Variants in PCLO observed in about 807,000 individuals in gnomAD.
PCLO encodes protein piccolo.
PCLO carries 82 observed loss-of-function variants against 427.5 expected under a neutral mutation model. The observed-to-expected ratio is 0.19, with a 90% CI of 0.16 to 0.23. The LOEUF (loss-of-function observed/expected upper bound fraction) is 0.23. PCLO is among the 10% of genes least tolerant of loss of function. PCLO has a pLI of 1.00. For synonymous variants in PCLO, 2,357 were observed against 2,155.4 expected (o/e 1.09, Z -2.59); for missense variants, 6,239 against 6,115.9 (o/e 1.02, Z -0.67).
intron 6 of PCLO, among the ~76,000 whole-genome samples, chr7:82,946,854 T>A (rs62458567): frequency 0.13 from 19,308 of 152,120 alleles, 1,924 homozygotes; most frequent in African/African-American, 0.27. Context: ...TTAGGAGCTG[T>A]TTAGAGAACT....
At chr7:82,768,492 T>A (rs1282293757) in intron 22 of PCLO, among the ~76,000 whole-genome samples, 1 of 152,060 alleles carries the variant, frequency 6.6e-6, no homozygotes, top group Non-Finnish European at 1.5e-5. Flanking sequence ...TCTCTTAAAC[T>A]TCGTGAAAAT....
chr7:83,021,962 T>G (rs1478640744), intron 3 of PCLO, among the ~76,000 whole-genome samples: 4 of 152,222 alleles, frequency 2.6e-5, no homozygotes, highest in Admixed American at 1.3e-4. Context: ...ATAAACAAAT[T>G]TAAAAATATT....
At chr7:82,764,579 T>C (rs953827733) in intron 22 of PCLO, among the ~76,000 whole-genome samples, 1 of 151,818 alleles carries the variant, frequency 6.6e-6, no homozygotes, top group Non-Finnish European at 1.5e-5. Flanking sequence ...TTATTCCAAA[T>C]AGTAAAAAAT....
At chr7:82,879,168 T>C (rs747183388) in intron 10 of PCLO, among the ~76,000 whole-genome samples, 169 bp downstream of exon 10, 5 of 152,172 alleles carry the variant, frequency 3.3e-5, no homozygotes, top group Admixed American at 1.3e-4. Context: ...AAAATGAATA[T>C]ATTTGTGGAC....
Position 83,134,978 on chromosome 7 carries a change from C to T in PCLO, c.2572G>A (p.Ala858Thr). The T allele has an allele frequency of 1.9e-6, 3 of 1,612,840 alleles. No individual in the cohort carries two copies. The highest frequency in any genetic ancestry group is 1.1e-5 in the South Asian group (1 of 90,950). ...PVQKKEEPKK[A>T]QTKMSPKPDA... Reference sequence around the variant, plus strand: ...GGTTTAGGACTCATTTTGGTTTGTGCTTTCTTGGGTTCTTCCTTCTTTTGT... The same window carrying T: ...GGTTTAGGACTCATTTTGGTTTGTGTTTTCTTGGGTTCTTCCTTCTTTTGT... Residue 858 changes from alanine to threonine, a missense_variant, in exon 3 of 25, where the codon GCA becomes ACA. Around this residue, in one of 5 missense-constraint regions of PCLO, gnomAD observed 4,677 missense variants for 4,468.4 expected, o/e 1.05. Coordinates refer to ENST00000333891, the MANE Select transcript of PCLO (RefSeq NM_033026.6).
intron 9 of PCLO, chr7:82,879,709 A>G: frequency 2.3e-6 from 1 of 438,060 alleles, no homozygotes. Flanking sequence ...TAATTCAGCC[A>G]TATTCAGTAA....
rs185692502 is a variant in PCLO, at chr7:83,128,654, C to T, written c.3300+5596G>A. On this transcript the variant is annotated intron_variant, in intron 3 of 24. Coordinates refer to ENST00000333891, the MANE Select transcript of PCLO (RefSeq NM_033026.6). The stretch of plus-strand genomic sequence containing the variant: ...GATAGAAGCAAAGACTTCACCACCA[C>T]GACCAATGAAACACTGAGATAGTTA... Among the ~76,000 whole-genome samples the T allele has an allele frequency of 5.3e-4, 81 of 152,226 alleles. 2 individuals are homozygous for T. Among genetic ancestry groups the T allele is most frequent in the Admixed American group, 3.7e-3 (56 of 15,284 alleles).
intron 9 of PCLO, 37 bp downstream of exon 9, chr7:82,902,614 A>C (rs747883874): frequency 2.3e-5 from 29 of 1,266,202 alleles, no homozygotes; most frequent in African/African-American, 7.6e-5. Context: ...CAAAACAAAA[A>C]AACAAAAAAA....
chr7:82,988,796 AG>A (rs1484128461), intron 3 of PCLO, among the ~76,000 whole-genome samples: 1 of 151,524 alleles, frequency 6.6e-6, no homozygotes, highest in Non-Finnish European at 1.5e-5. Flanking sequence ...TTACTTCTCA[AG>A]GAGCAGAATT....
intron 22 of PCLO, among the ~76,000 whole-genome samples, chr7:82,775,500 T>C (rs1790730891): frequency 6.6e-6 from 1 of 152,206 alleles, no homozygotes; most frequent in Non-Finnish European, 1.5e-5. Context: ...ATATAGAACA[T>C]CTTTTCATAT....
chr7:83,013,896 C>T (rs1788145903), intron 3 of PCLO, among the ~76,000 whole-genome samples: 1 of 152,070 alleles, frequency 6.6e-6, no homozygotes, highest in Admixed American at 6.6e-5. Context: ...TGTTATTAAA[C>T]AAAACTTAGC....
chr7:83,000,268 TGAGAGA>T (rs145445022), intron 3 of PCLO, among the ~76,000 whole-genome samples: 8,129 of 53,838 alleles, frequency 0.15, 295 homozygotes, highest in Non-Finnish European at 0.18. Flanking sequence ...TTCAAAGTGT[TGAGAGA>T]GAGAGAGAGA....
intron 9 of PCLO, among the ~76,000 whole-genome samples, chr7:82,892,348 T>C (rs1267818333): frequency 2.6e-5 from 4 of 152,110 alleles, no homozygotes; most frequent in Non-Finnish European, 5.9e-5. Flanking sequence ...ATTTAATAAA[T>C]AGTGCTGGGA....
chr7:83,037,987 G>GC (rs1475109720), intron 3 of PCLO, among the ~76,000 whole-genome samples: 1 of 25,208 alleles, frequency 4.0e-5, no homozygotes, highest in Non-Finnish European at 8.1e-5. Context: ...GTAAGGAGGA[G>GC]CTTATATATA....
intron 2 of PCLO, among the ~76,000 whole-genome samples, chr7:83,141,613 T>C (rs900015413): frequency 2.6e-5 from 4 of 152,238 alleles, no homozygotes; most frequent in Admixed American, 2.0e-4. Context: ...TGCATATAAT[T>C]CCAACACTGC....
At chr7:83,059,780 G>T (rs1207277700) in intron 3 of PCLO, among the ~76,000 whole-genome samples, 2 of 151,998 alleles carry the variant, frequency 1.3e-5, no homozygotes, top group Non-Finnish European at 1.5e-5. Context: ...AGCAACCAAG[G>T]TTTCCCAATT....
At chr7:82,858,112 T>A (rs1170552786) in intron 10 of PCLO, among the ~76,000 whole-genome samples, 1 of 152,090 alleles carries the variant, frequency 6.6e-6, no homozygotes, top group Non-Finnish European at 1.5e-5. Context: ...ATTAAAATGA[T>A]CATCCACCAT....
At chr7:82,808,241 A>C (rs543402001) in intron 20 of PCLO, among the ~76,000 whole-genome samples, 1 of 151,970 alleles carries the variant, frequency 6.6e-6, no homozygotes, top group African/African-American at 2.4e-5. Context: ...ATTATTAGAC[A>C]CTAATATTCA....
chr7:82,915,023 A>G lies in PCLO; in HGVS notation c.12963T>C (p.Ala4321=). 1.9e-6 allele frequency: 3 copies of G among 1,613,628 alleles called. No individual in the cohort carries two copies. The highest frequency in any genetic ancestry group is 2.5e-6 in the Non-Finnish European group (3 of 1,179,720). ...GACTAAAGGAAACATCTAGAGCTTC[A>G]GCCTCTTGAGCTTTCAGTCTTAGGG... is the stretch of plus-strand genomic sequence containing the variant. ...SSSLRLKAQE[A]EALDVSFSHA... is the part of the protein sequence containing the mutation. Residue 4321 remains alanine (A), a synonymous_variant, in exon 7 of 25, where the codon GCT becomes GCC. Transcript: ENST00000333891.
Sources: gnomAD v4.1 joint callset for allele counts (sites outside exome capture counted in the v4.1 genomes callset) on GRCh38, gnomAD v4.1.1 for gene constraint, gnomAD v4.1.1 regional missense constraint, MANE v1.5 for transcripts, NCBI Gene and HGNC (gene_info 2026-07-23, HGNC 2026-07-21) for gene names.